The following SLFN12L variants were observed in gnomAD, a reference collection of about 807,000 sequenced individuals.
SLFN12L encodes the protein schlafen family member 12-like.
In SLFN12L, 34 loss-of-function variants were observed where a neutral mutation model predicts 34.8. The observed-to-expected ratio is 0.98, with a 90% CI of 0.74 to 1.30. SLFN12L has a LOEUF of 1.30. Ranked by LOEUF, SLFN12L falls within the 50% of genes most tolerant of loss-of-function variation. The pLI, the probability that SLFN12L is intolerant of heterozygous loss-of-function variation, is 0.00. For synonymous variants in SLFN12L, 259 were observed against 247.5 expected, an observed-to-expected ratio of 1.05 and a Z score of -0.44; for missense variants, 703 against 696.2, an observed-to-expected ratio of 1.01 and a Z score of -0.11.
At chr17:35,530,117 CTTTT>C (rs35836415) in intron 1 of SLFN12L, among the ~76,000 whole-genome samples, 1 of 109,474 alleles carries the variant, frequency 9.1e-6, no homozygotes, top group African/African-American at 3.4e-5. Context: ...ACTGCTTTGT[CTTTT>C]TTTTTTTTTT....
chr17:35,530,492 G>GAA (rs1353483857), intron 1 of SLFN12L, among the ~76,000 whole-genome samples: 14 of 43,572 alleles, frequency 3.2e-4, no homozygotes, highest in African/African-American at 8.8e-4. Context: ...AAGAAAGAAA[G>GAA]AAAGAAAGAA....
intron 4 of SLFN12L, 116 bp from the exon 5 acceptor site, chr17:35,475,601 T>C: frequency 2.1e-6 from 3 of 1,421,616 alleles, no homozygotes; most frequent in South Asian, 1.5e-5. Flanking sequence ...ATAAAAGCTA[T>C]GTAAAAGTGT....
chr17:35,496,787 A>G (rs1409702278), intron 2 of SLFN12L, among the ~76,000 whole-genome samples: 1 of 152,126 alleles, frequency 6.6e-6, no homozygotes, highest in Non-Finnish European at 1.5e-5. Context: ...GCGCCTCCCC[A>G]GACCCTCAGC....
At chr17:35,490,196 G>A (rs1914778579) in intron 2 of SLFN12L, 1 of 1,596,880 alleles carries the variant, frequency 6.3e-7, no homozygotes, top group Non-Finnish European at 8.6e-7. Flanking sequence ...GCTGGGACGA[G>A]GCGGCAGTGG....
chr17:35,535,991 G>A (rs564351257), intron 1 of SLFN12L, among the ~76,000 whole-genome samples: 1 of 148,748 alleles, frequency 6.7e-6, no homozygotes, highest in Non-Finnish European at 1.5e-5. Context: ...TTGTTTGTTT[G>A]TTTGTTTTGT....
In SLFN12L at chr17:35,473,366, G is replaced by A. The variant is rs1913840090; in HGVS notation, c.*1557C>T. Reference sequence around the variant, plus strand: ...TTGAGAGTTTTTAACATAAAGGGATGTTGAATTTTGTCAGAGTCTTTTTCT... The same window carrying A: ...TTGAGAGTTTTTAACATAAAGGGATATTGAATTTTGTCAGAGTCTTTTTCT... On this transcript the variant is annotated 3_prime_UTR_variant, in exon 5 of 5. Coordinates refer to ENST00000628453, the MANE Select transcript of SLFN12L (RefSeq NM_001363830.2). Among the ~76,000 whole-genome samples the A allele has an allele frequency of 6.6e-6, 1 of 152,154 alleles. No individual in the cohort carries two copies. Among genetic ancestry groups the A allele is most frequent in the Non-Finnish European group, 1.5e-5 (1 of 68,030 alleles).
At chr17:35,515,228 G>A (rs956349453) in intron 2 of SLFN12L, 11 of 515,162 alleles carry the variant, frequency 2.1e-5, no homozygotes, top group Non-Finnish European at 3.7e-5. Context: ...GGCGGTGGGG[G>A]AAAGGAGCGG....
At chr17:35,499,196 T>C in intron 2 of SLFN12L, 2 of 954,092 alleles carry the variant, frequency 2.1e-6, no homozygotes, top group African/African-American at 1.7e-5. Context: ...TACCGTTTTT[T>C]CTTCCCTGCA....
chr17:35,517,385 A>C (rs1475405357), intron 2 of SLFN12L, among the ~76,000 whole-genome samples: 2 of 152,236 alleles, frequency 1.3e-5, no homozygotes, highest in East Asian at 3.8e-4. Flanking sequence ...ACCACTGCTT[A>C]AGGAAATAAG....
At chr17:35,531,819 G>C (rs928020849) in intron 1 of SLFN12L, among the ~76,000 whole-genome samples, 18 of 151,736 alleles carry the variant, frequency 1.2e-4, no homozygotes, top group Non-Finnish European at 2.5e-4. Flanking sequence ...TTTTTTAATA[G>C]AGATGGGGTT....
rs146851471 is a variant in SLFN12L, at chr17:35,498,579, C to T, written c.87-18384G>A. 33 of 1,563,270 alleles carry T rather than the reference C, an allele frequency of 2.1e-5. No homozygotes were observed. The East Asian group carries it at 4.9e-4, about 23-fold the overall frequency. On this transcript the variant is annotated intron_variant, in intron 2 of 4. Transcript: ENST00000628453. ...AAGTACAGTGGAAAGTTTTTACAGC[C>T]GCTTCCATGGAATGTTTCTGCAGAA...
At position 35,471,156 on chromosome 17, in the gene SLFN12L, G is replaced by A. The variant is rs1913800810; in HGVS notation, c.*3767C>T. Among the ~76,000 whole-genome samples, 1 of 146,302 alleles carries A rather than the reference G, an allele frequency of 6.8e-6. No homozygotes were observed. The highest frequency in any genetic ancestry group is 2.5e-5 in the African/African-American group (1 of 39,334). ...TGTGTCTTTTTTTTTTTTTTTCTGA[G>A]ACAGAGTTTTGCTCTTGTCACCCAG... is the stretch of plus-strand genomic sequence containing the variant. On this transcript the variant is annotated 3_prime_UTR_variant, in exon 5 of 5. Transcript: ENST00000628453.
Position 35,490,542 on chromosome 17 carries a change from G to A in SLFN12L, c.87-10347C>T, listed in dbSNP as rs548819194. On this transcript the variant is annotated intron_variant, in intron 2 of 4. Transcript: ENST00000628453. Reference sequence around the variant, plus strand: ...AGAAGTCTAAAAATAACGTCCAGTGGATGGGTTGCAGTCTGTCTGCGGATG... The same window carrying A: ...AGAAGTCTAAAAATAACGTCCAGTGAATGGGTTGCAGTCTGTCTGCGGATG... The A allele has an allele frequency of 6.4e-5, 55 of 859,582 alleles. 1 individual carries two copies. The East Asian group carries it at 1.3e-3, about 20-fold the overall frequency. 53.2% of individuals were successfully genotyped at this position (859,582 alleles called of 1,614,324 possible).
At chr17:35,486,968 C>T (rs1241631712) in intron 2 of SLFN12L, among the ~76,000 whole-genome samples, 1 of 152,226 alleles carries the variant, frequency 6.6e-6, no homozygotes. Context: ...TTCGGAACAG[C>T]ACTGCTTTCA....
chr17:35,477,955 G>A (rs1914111055), intron 4 of SLFN12L, 120 bp downstream of exon 4: 4 of 656,690 alleles, frequency 6.1e-6, no homozygotes, highest in Non-Finnish European at 1.0e-5. Context: ...AAACACCAAA[G>A]AATTTCCATA....
intron 2 of SLFN12L, among the ~76,000 whole-genome samples, chr17:35,491,592 G>C (rs1000706421): frequency 4.6e-5 from 7 of 152,200 alleles, no homozygotes; most frequent in African/African-American, 1.7e-4. Flanking sequence ...GGGATGGGCT[G>C]CAGAATGGGG....
intron 2 of SLFN12L, among the ~76,000 whole-genome samples, chr17:35,515,756 G>A (rs1192135684): frequency 6.8e-6 from 1 of 146,234 alleles, no homozygotes; most frequent in Non-Finnish European, 1.5e-5. Context: ...CGATTCTCCT[G>A]ACCCAGCCGC....
chr17:35,515,875 C>T (rs1319710002), intron 2 of SLFN12L, among the ~76,000 whole-genome samples: 1 of 151,764 alleles, frequency 6.6e-6, no homozygotes, highest in African/African-American at 2.4e-5. Context: ...AACTCCTGAC[C>T]TCGTGATCTA....
chr17:35,497,094 C>CA (rs1915110044), intron 2 of SLFN12L, among the ~76,000 whole-genome samples: 1 of 152,016 alleles, frequency 6.6e-6, no homozygotes, highest in African/African-American at 2.4e-5. Context: ...CCTGTCTCTA[C>CA]AAAAAACAAA....
Sources: allele counts gnomAD v4.1 joint callset (sites outside exome capture counted in the v4.1 genomes callset), GRCh38; gene constraint gnomAD v4.1.1; transcripts MANE v1.5; gene names NCBI Gene and HGNC (gene_info 2026-07-23, HGNC 2026-07-21).